Variants in KYNU observed in about 807,000 individuals in gnomAD.
The protein encoded by KYNU is L-kynurenine hydrolase.
KYNU carries 54 observed loss-of-function variants against 59.2 expected under a neutral mutation model. The observed-to-expected ratio is 0.91, with a 90% CI of 0.73 to 1.14. KYNU has a LOEUF of 1.14. Among genes scored for constraint, KYNU ranks in the 50% most tolerant of loss-of-function variants. The pLI, the probability that KYNU is intolerant of heterozygous loss-of-function variation, is 0.00. For missense variants in KYNU, 567 were observed against 554.4 expected, an observed-to-expected ratio of 1.02 and a Z score of -0.23; for synonymous variants, 177 against 192.0, an observed-to-expected ratio of 0.92 and a Z score of 0.65.
At chr2:143,029,775 A>C in intron 11 of KYNU, 96 bp downstream of exon 11, 1 of 752,948 alleles carries the variant, frequency 1.3e-6, no homozygotes, top group South Asian at 1.5e-5. Flanking sequence ...TGCCCCAGGG[A>C]GAGTGCACTT....
chr2:142,955,767 T>G (rs1041303238), intron 5 of KYNU, among the ~76,000 whole-genome samples: 7 of 152,074 alleles, frequency 4.6e-5, no homozygotes, highest in African/African-American at 1.7e-4. Flanking sequence ...TGAAAGAGCT[T>G]CACTGAACAA....
At chr2:142,966,950 TG>T (rs1684561592) in intron 8 of KYNU, among the ~76,000 whole-genome samples, 1 of 151,306 alleles carries the variant, frequency 6.6e-6, no homozygotes, top group African/African-American at 2.4e-5. Context: ...TATTAAAGAC[TG>T]TCACTGAATA....
intron 4 of KYNU, among the ~76,000 whole-genome samples, chr2:142,949,530 G>A (rs1683914517): frequency 6.6e-6 from 1 of 152,208 alleles, no homozygotes; most frequent in South Asian, 2.1e-4. Context: ...AAGCTGCCAA[G>A]GCTTGAGGCT....
At chr2:142,994,348 C>T (rs1305387532) in intron 10 of KYNU, among the ~76,000 whole-genome samples, 1 of 152,068 alleles carries the variant, frequency 6.6e-6, no homozygotes, top group Non-Finnish European at 1.5e-5. Flanking sequence ...TTACTCACAA[C>T]AAACTTCTAA....
rs1687179382 is a variant in KYNU, at chr2:143,047,171, C to A, written c.*4999C>A. 1.3e-5 allele frequency: 2 copies of A among 152,040 alleles called. No homozygotes were observed. Among genetic ancestry groups the A allele is most frequent in the Admixed American group, 1.3e-4 (2 of 15,240 alleles). 9.4% of individuals were successfully genotyped at this position (152,040 alleles called of 1,614,324 possible). ...TCTCAACCTCCTGGGCTCAAGTGAT[C>A]CTCCCACGTCAGCCTGTGGAGTAGC... On this transcript the variant is annotated 3_prime_UTR_variant, in exon 14 of 14. Coordinates refer to ENST00000264170, the MANE Select transcript of KYNU (RefSeq NM_003937.3).
At chr2:142,906,132 A>T (rs573967602) in intron 2 of KYNU, among the ~76,000 whole-genome samples, 3 of 150,796 alleles carry the variant, frequency 2.0e-5, no homozygotes, top group Admixed American at 2.0e-4. Flanking sequence ...GTCTCTGTAG[A>T]TGGATTTTGG....
intron 12 of KYNU, 47 bp downstream of exon 12, chr2:143,033,368 T>G (rs1686812426): frequency 7.5e-7 from 1 of 1,326,994 alleles, no homozygotes; most frequent in Non-Finnish European, 1.1e-6. Flanking sequence ...CGTTTTTTCT[T>G]GATCTGTTTG....
intron 10 of KYNU, among the ~76,000 whole-genome samples, chr2:142,993,613 C>T (rs1222243136): frequency 6.6e-6 from 1 of 151,972 alleles, no homozygotes; most frequent in Non-Finnish European, 1.5e-5. Context: ...TTTAAAAAAT[C>T]TTCCTGGCTT....
At chr2:142,983,693 C>T (rs952334376) in intron 8 of KYNU, among the ~76,000 whole-genome samples, 4 of 151,936 alleles carry the variant, frequency 2.6e-5, no homozygotes, top group Non-Finnish European at 5.9e-5. Flanking sequence ...GACATTGGCT[C>T]TATATCTGTA....
intron 10 of KYNU, among the ~76,000 whole-genome samples, chr2:143,014,334 A>G (rs1686193792): frequency 6.6e-6 from 1 of 152,208 alleles, no homozygotes; most frequent in African/African-American, 2.4e-5. Flanking sequence ...GGGAACCTGA[A>G]TCAGGTATGA....
intron 8 of KYNU, among the ~76,000 whole-genome samples, chr2:142,961,555 A>C (rs575836316): frequency 6.6e-6 from 1 of 152,306 alleles, no homozygotes; most frequent in African/African-American, 2.4e-5. Flanking sequence ...TGCAGAATTC[A>C]ATTTTATCAG....
intron 2 of KYNU, among the ~76,000 whole-genome samples, chr2:142,911,625 G>C (rs1291901685): frequency 6.6e-6 from 1 of 152,178 alleles, no homozygotes; most frequent in East Asian, 1.9e-4. Context: ...ATTTGTTCCA[G>C]TTCTTAAGGA....
chr2:142,980,741 G>A (rs1219646723), intron 8 of KYNU, among the ~76,000 whole-genome samples: 1 of 152,096 alleles, frequency 6.6e-6, no homozygotes, highest in Non-Finnish European at 1.5e-5. Context: ...AGCTGTGTCA[G>A]TATGAGTGTG....
At chr2:142,957,784 A>T (rs184035077) in intron 7 of KYNU, 69 bp downstream of exon 7, 2 of 983,960 alleles carry the variant, frequency 2.0e-6, no homozygotes, top group African/African-American at 3.2e-5. Context: ...ATTTTCCTCA[A>T]AAGTTTATTA....
At chr2:142,902,745 G>A (rs1377687988) in intron 2 of KYNU, among the ~76,000 whole-genome samples, 3 of 152,218 alleles carry the variant, frequency 2.0e-5, no homozygotes, top group South Asian at 2.1e-4. Context: ...CAGGCAGCTA[G>A]AAGTAGATTA....
intron 4 of KYNU, among the ~76,000 whole-genome samples, chr2:142,939,602 C>CGAAAA (rs1683513874): frequency 1.5e-5 from 1 of 65,106 alleles, no homozygotes; most frequent in Non-Finnish European, 2.9e-5. Context: ...CTCCATCTCA[C>CGAAAA]AAAAAAAAAA....
chr2:143,036,387 T>C (rs1686894665), intron 12 of KYNU, among the ~76,000 whole-genome samples: 1 of 151,914 alleles, frequency 6.6e-6, no homozygotes, highest in African/African-American at 2.4e-5. Flanking sequence ...TTTGTCCCGA[T>C]TGGCTAGTAA....
chr2:143,052,447 C>G lies in KYNU; in HGVS notation c.*10275C>G, dbSNP rs1687283731. On this transcript the variant is annotated 3_prime_UTR_variant, in exon 14 of 14. Coordinates refer to ENST00000264170, the MANE Select transcript of KYNU (RefSeq NM_003937.3). ...CATGTCAGAGACCTTTGTGGCAGCC[C>G]CTCCCATCACAGACCAGGAGCTTTA... The G allele has an allele frequency of 6.6e-6, 1 of 152,300 alleles. No individual in the cohort carries two copies. The highest frequency in any genetic ancestry group is 2.1e-4 in the South Asian group (1 of 4,824). 9.4% of individuals were successfully genotyped at this position (152,300 alleles called of 1,614,324 possible).
At chr2:143,002,778 T>G (rs951856375) in intron 10 of KYNU, among the ~76,000 whole-genome samples, 3 of 152,278 alleles carry the variant, frequency 2.0e-5, no homozygotes, top group African/African-American at 7.2e-5. Context: ...AAAAAGAAAA[T>G]GCCAAGCAGT....
Sources: gnomAD v4.1 joint callset for allele counts (sites outside exome capture counted in the v4.1 genomes callset) on GRCh38, gnomAD v4.1.1 for gene constraint, MANE v1.5 for transcripts, NCBI Gene and HGNC (gene_info 2026-07-23, HGNC 2026-07-21) for gene names.